The following NFIB variants were observed in gnomAD, a reference collection of about 807,000 sequenced individuals.
The protein encoded by NFIB is nuclear factor I B, also known as nuclear factor 1 B-type.
NFIB carries 11 observed loss-of-function variants against 61.5 expected under a neutral mutation model. That is an observed-to-expected ratio of 0.18 (90% CI 0.11 to 0.30). The LOEUF (loss-of-function observed/expected upper bound fraction) is 0.30. Ranked by LOEUF, NFIB falls within the 10% of genes least tolerant of loss-of-function variation. NFIB has a pLI of 1.00. For missense variants in NFIB, 471 were observed against 608.9 expected (o/e 0.77, Z 2.38); for synonymous variants, 260 against 216.5 (o/e 1.20, Z -1.76).
At chr9:14,499,314 G>C in the NFIB span, among the ~76,000 whole-genome samples, 1 of 152,116 alleles carries the variant, frequency 6.6e-6, no homozygotes, top group African/African-American at 2.4e-5. Flanking sequence ...GCAGGAGAGA[G>C]GACCCAGCCC....
chr9:14,251,789 G>A (rs771493297), intron 2 of NFIB, among the ~76,000 whole-genome samples: 4 of 152,222 alleles, frequency 2.6e-5, no homozygotes, highest in South Asian at 2.1e-4. Context: ...TTACACAGGC[G>A]TGCTGCACAT....
In NFIB at chr9:14,084,448, C is replaced by G; in HGVS notation, c.*3861G>C. ...ATGGAGCTGCCCACCCGAACATTACCCGATAACTATATTGCTATAATTAAG... is the reference window on the plus strand; with the variant it reads ...ATGGAGCTGCCCACCCGAACATTACGCGATAACTATATTGCTATAATTAAG... On this transcript the variant is annotated 3_prime_UTR_variant, in exon 11 of 11. Transcript: ENST00000380953. 1 of 225,298 alleles carries G rather than the reference C, an allele frequency of 4.4e-6. No homozygotes were observed. The highest frequency in any genetic ancestry group is 8.9e-6 in the Non-Finnish European group (1 of 112,818). 14.0% of individuals were successfully genotyped at this position (225,298 alleles called of 1,614,324 possible).
intron 6 of NFIB, among the ~76,000 whole-genome samples, chr9:14,132,578 TTTAA>T (rs2040523759): frequency 6.6e-6 from 1 of 152,072 alleles, no homozygotes; most frequent in African/African-American, 2.4e-5. Flanking sequence ...TTTAAATTTA[TTTAA>T]TTATTTTAGA....
chr9:14,450,044 T>C, the NFIB span, among the ~76,000 whole-genome samples: 1 of 152,182 alleles, frequency 6.6e-6, no homozygotes, highest in Non-Finnish European at 1.5e-5. Context: ...TAGGTATACA[T>C]GTGCCATGTT....
At chr9:14,101,924 C>A (rs1256020261) in intron 10 of NFIB, among the ~76,000 whole-genome samples, 1 of 152,054 alleles carries the variant, frequency 6.6e-6, no homozygotes, top group Admixed American at 6.5e-5. Context: ...TGGGTGCTGT[C>A]AATAACAGTT....
chr9:14,156,348 A>C (rs1420001805), intron 3 of NFIB, among the ~76,000 whole-genome samples: 1 of 152,256 alleles, frequency 6.6e-6, no homozygotes, highest in East Asian at 1.9e-4. Context: ...TGATGAAAGA[A>C]AAGTGAACTG....
chr9:14,328,147 C>T (rs549377140), intron 1 of NFIB, among the ~76,000 whole-genome samples: 7 of 152,206 alleles, frequency 4.6e-5, no homozygotes, highest in East Asian at 3.9e-4. Context: ...AATTGCTCCC[C>T]GCCTTTTTTT....
chr9:14,148,580 T>A (rs1247513068), intron 5 of NFIB, among the ~76,000 whole-genome samples: 1 of 152,160 alleles, frequency 6.6e-6, no homozygotes, highest in East Asian at 1.9e-4. Context: ...AATCCCCTTG[T>A]TTTTACAAAT....
chr9:14,340,464 C>T (rs1420835004), intron 1 of NFIB, among the ~76,000 whole-genome samples: 1 of 152,128 alleles, frequency 6.6e-6, no homozygotes, highest in Non-Finnish European at 1.5e-5. Context: ...GAGGAGAAGC[C>T]CAGGCACTGG....
the NFIB span, among the ~76,000 whole-genome samples, chr9:14,411,284 T>A: frequency 6.6e-6 from 1 of 152,216 alleles, no homozygotes; most frequent in Non-Finnish European, 1.5e-5. Flanking sequence ...TGACGTTGAA[T>A]TTGTCTCTAC....
chr9:14,226,690 T>C (rs1025481556), intron 2 of NFIB, among the ~76,000 whole-genome samples: 1 of 152,198 alleles, frequency 6.6e-6, no homozygotes, highest in East Asian at 1.9e-4. Context: ...ATTAGACTAA[T>C]ACAGCCAAAG....
intron 3 of NFIB, among the ~76,000 whole-genome samples, chr9:14,160,247 C>T (rs2043995543): frequency 6.6e-6 from 1 of 152,142 alleles, no homozygotes; most frequent in East Asian, 1.9e-4. Flanking sequence ...TAAATCACTA[C>T]TCAGAAGTTA....
chr9:14,458,535 G>A, the NFIB span, among the ~76,000 whole-genome samples: 5 of 152,174 alleles, frequency 3.3e-5, no homozygotes, highest in Admixed American at 3.3e-4. Flanking sequence ...TGCAGGAGAA[G>A]GAAATAAAAG....
At chr9:14,231,138 ATATAT>A (rs1563926539) in intron 2 of NFIB, among the ~76,000 whole-genome samples, 75 of 90,110 alleles carry the variant, frequency 8.3e-4, no homozygotes, top group African/African-American at 3.2e-3. Context: ...AAAAAAAAAT[ATATAT>A]ATATATATAT....
the NFIB span, among the ~76,000 whole-genome samples, chr9:14,429,901 T>G: frequency 1.3e-5 from 2 of 152,248 alleles, no homozygotes; most frequent in East Asian, 3.8e-4. Context: ...CTTCATAATT[T>G]GGGAATAGAT....
chr9:14,382,710 A>G (rs2061503142), intron 1 of NFIB, among the ~76,000 whole-genome samples: 1 of 152,088 alleles, frequency 6.6e-6, no homozygotes, highest in African/African-American at 2.4e-5. Context: ...TGCAACCAAC[A>G]TGTGTCTATC....
intron 2 of NFIB, among the ~76,000 whole-genome samples, chr9:14,268,220 C>T (rs2057357351): frequency 2.0e-5 from 3 of 152,068 alleles, no homozygotes; most frequent in Non-Finnish European, 4.4e-5. Flanking sequence ...AAACGACCTC[C>T]TCCCTTCACT....
intron 6 of NFIB, among the ~76,000 whole-genome samples, chr9:14,138,193 T>TA (rs1429644537): frequency 6.6e-6 from 1 of 151,960 alleles, no homozygotes; most frequent in African/African-American, 2.4e-5. Flanking sequence ...AAAAGAAAAA[T>TA]AGATATAAAC....
chr9:14,244,353 C>G (rs992727643), intron 2 of NFIB, among the ~76,000 whole-genome samples: 4 of 152,000 alleles, frequency 2.6e-5, no homozygotes, highest in Non-Finnish European at 5.9e-5. Flanking sequence ...AAATATATAC[C>G]ATATACCAGT....
Sources: allele counts gnomAD v4.1 joint callset (sites outside exome capture counted in the v4.1 genomes callset), GRCh38; gene constraint gnomAD v4.1.1; transcripts MANE v1.5; gene names NCBI Gene and HGNC (gene_info 2026-07-23, HGNC 2026-07-21).